RTN4RL1: variants seen among roughly 807,000 people sequenced by gnomAD.
The protein encoded by RTN4RL1 is reticulon-4 receptor-like 1.
In RTN4RL1, 7 loss-of-function variants were observed where a neutral mutation model predicts 25.6. The ratio of observed to expected loss-of-function variants is 0.27; its 90% CI spans 0.16 to 0.51. The LOEUF (loss-of-function observed/expected upper bound fraction) is 0.51. Among genes scored for constraint, RTN4RL1 ranks in the 20% least tolerant of loss-of-function variants. RTN4RL1 has a pLI of 0.97. For synonymous variants in RTN4RL1, 297 were observed against 288.2 expected, an observed-to-expected ratio of 1.03 and a Z score of -0.31; for missense variants, 500 against 615.6, an observed-to-expected ratio of 0.81 and a Z score of 1.99.
At chr17:2,022,068 A>G (rs2067214290) in intron 1 of RTN4RL1, among the ~76,000 whole-genome samples, 1 of 150,912 alleles carries the variant, frequency 6.6e-6, no homozygotes, top group South Asian at 2.1e-4. Flanking sequence ...TAATCCCAGC[A>G]CTTCAGGAGG....
intron 1 of RTN4RL1, among the ~76,000 whole-genome samples, chr17:2,012,427 C>T (rs559289556): frequency 2.0e-5 from 3 of 152,344 alleles, no homozygotes; most frequent in African/African-American, 7.2e-5. Flanking sequence ...TCATCTGTAA[C>T]TTGGGACTAA....
intron 1 of RTN4RL1, among the ~76,000 whole-genome samples, chr17:1,992,873 T>A (rs574384754): frequency 1.3e-5 from 2 of 152,356 alleles, no homozygotes; most frequent in African/African-American, 4.8e-5. Flanking sequence ...CATTTCACCC[T>A]GACACATGAC....
chr17:1,992,246 C>A (rs1489093124), intron 1 of RTN4RL1, among the ~76,000 whole-genome samples: 1 of 151,728 alleles, frequency 6.6e-6, no homozygotes, highest in East Asian at 1.9e-4. Context: ...CGCCTGCAGT[C>A]CCAGCTACTT....
chr17:1,939,675 G>A (rs570278233), intron 1 of RTN4RL1, among the ~76,000 whole-genome samples: 26 of 152,272 alleles, frequency 1.7e-4, no homozygotes, highest in Admixed American at 4.6e-4. Flanking sequence ...TTTATTTTCC[G>A]ATGTGTCCAG....
intron 1 of RTN4RL1, among the ~76,000 whole-genome samples, chr17:2,006,620 A>ATTTGT (rs139318354): frequency 0.3 from 44,686 of 150,008 alleles, 7,105 homozygotes; most frequent in East Asian, 0.55. Flanking sequence ...GCCTGGCCAA[A>ATTTGT]TTTGTTTTGT....
At chr17:1,958,478 G>A (rs1385974274) in intron 1 of RTN4RL1, among the ~76,000 whole-genome samples, 2 of 152,286 alleles carry the variant, frequency 1.3e-5, no homozygotes, top group South Asian at 2.1e-4. Context: ...TCATGAGGCC[G>A]GGGAAATGGA....
chr17:1,967,842 T>C (rs1429967532), intron 1 of RTN4RL1, among the ~76,000 whole-genome samples: 2 of 152,164 alleles, frequency 1.3e-5, no homozygotes, highest in African/African-American at 4.8e-5. Flanking sequence ...GGTTTCACCA[T>C]GTTGGCCAGG....
chr17:1,939,220 G>T (rs1482778917), intron 1 of RTN4RL1, among the ~76,000 whole-genome samples: 1 of 151,800 alleles, frequency 6.6e-6, no homozygotes. Context: ...GGGCGTGGTG[G>T]CGCGCACTTG....
chr17:2,020,918 C>T (rs938717355), intron 1 of RTN4RL1, among the ~76,000 whole-genome samples: 11 of 152,252 alleles, frequency 7.2e-5, no homozygotes, highest in African/African-American at 1.9e-4. Context: ...AACCCCCCAG[C>T]GGGCCGCCCT....
chr17:1,970,529 G>C (rs2066814188), intron 1 of RTN4RL1, among the ~76,000 whole-genome samples: 1 of 152,180 alleles, frequency 6.6e-6, no homozygotes, highest in Non-Finnish European at 1.5e-5. Flanking sequence ...ACGTGGGAAG[G>C]GGCCCTCGTG....
chr17:1,956,691 G>C (rs1425427597), intron 1 of RTN4RL1, among the ~76,000 whole-genome samples: 5 of 151,852 alleles, frequency 3.3e-5, no homozygotes, highest in African/African-American at 1.2e-4. Context: ...CTGCAGGGGA[G>C]CTCAGGGTCT....
At chr17:1,941,610 G>C (rs972953975) in intron 1 of RTN4RL1, among the ~76,000 whole-genome samples, 2 of 152,160 alleles carry the variant, frequency 1.3e-5, no homozygotes, top group Admixed American at 1.3e-4. Context: ...AGGCGGTGGG[G>C]GGGGATCCGA....
chr17:1,949,870 C>T (rs1234343238), intron 1 of RTN4RL1, among the ~76,000 whole-genome samples: 2 of 152,202 alleles, frequency 1.3e-5, no homozygotes, highest in African/African-American at 2.4e-5. Flanking sequence ...CCTCCCTGGG[C>T]GACTTCTGAA....
At chr17:1,982,507 C>T (rs185379358) in intron 1 of RTN4RL1, among the ~76,000 whole-genome samples, 4 of 150,016 alleles carry the variant, frequency 2.7e-5, no homozygotes, top group Non-Finnish European at 5.9e-5. Context: ...CCCAGCTACT[C>T]GGGGGGCCAA....
chr17:1,939,740 G>A (rs1001666077), intron 1 of RTN4RL1, among the ~76,000 whole-genome samples: 9 of 152,206 alleles, frequency 5.9e-5, no homozygotes, highest in Non-Finnish European at 1.2e-4. Context: ...CATTACGGAC[G>A]ATCGTCATTA....
chr17:2,021,418 C>G (rs1457428398), intron 1 of RTN4RL1, among the ~76,000 whole-genome samples: 1 of 152,120 alleles, frequency 6.6e-6, no homozygotes, highest in Non-Finnish European at 1.5e-5. Context: ...GGAGGGCTAC[C>G]CTTTCTTCAT....
chr17:1,936,554 C>G lies in RTN4RL1; in HGVS notation c.1268G>C (p.Ser423Thr). 1.9e-6 allele frequency: 3 copies of G among 1,558,888 alleles called. No individual in the cohort carries two copies. The highest frequency in any genetic ancestry group is 8.7e-7 in the Non-Finnish European group (1 of 1,152,766). ...GGCCAGGAGGGAGGCCCCCAGGGAACTGGCCGAGGAGGCCTGCTGCACCCC... is the reference window on the plus strand; with the variant it reads ...GGCCAGGAGGGAGGCCCCCAGGGAAGTGGCCGAGGAGGCCTGCTGCACCCC... Reference protein sequence around the residue: ...PSGVQQASSASSLGASLLAWT... With the variant: ...PSGVQQASSATSLGASLLAWT... The change falls in exon 2 of 2, where the codon AGT becomes ACT. Residue 423 changes from serine (S) to threonine (T), a missense_variant. By Grantham distance (58) the Ser-to-Thr change is moderately conservative. This residue lies in a region of RTN4RL1 where 268 missense variants were observed against 274.5 expected (regional missense o/e 0.98). Transcript: ENST00000331238.
chr17:1,991,460 A>C (rs1395947212), intron 1 of RTN4RL1, among the ~76,000 whole-genome samples: 4 of 146,006 alleles, frequency 2.7e-5, no homozygotes, highest in African/African-American at 7.7e-5. Flanking sequence ...AAAAAAAAAA[A>C]AAACAAAAAA....
chr17:2,024,637 C>G (rs1286049159), intron 1 of RTN4RL1, among the ~76,000 whole-genome samples: 1 of 152,192 alleles, frequency 6.6e-6, no homozygotes, highest in East Asian at 1.9e-4. Context: ...CTAGGCCTGG[C>G]CACTCGATCC....
Sources: gnomAD v4.1 joint callset for allele counts (sites outside exome capture counted in the v4.1 genomes callset) on GRCh38, gnomAD v4.1.1 for gene constraint, gnomAD v4.1.1 regional missense constraint, MANE v1.5 for transcripts, NCBI Gene and HGNC (gene_info 2026-07-23, HGNC 2026-07-21) for gene names.